Variants in EOGT observed in about 807,000 individuals in gnomAD.
EOGT encodes EGF domain specific O-linked N-acetylglucosamine transferase.
Under a neutral mutation model 70.5 loss-of-function variants are expected in EOGT, and 55 were observed. The observed-to-expected ratio is 0.78, with a 90% CI of 0.63 to 0.98. The LOEUF (loss-of-function observed/expected upper bound fraction) is 0.98. Ranked by LOEUF, EOGT falls within the 50% of genes least tolerant of loss-of-function variation. The pLI, the probability that EOGT is intolerant of heterozygous loss-of-function variation, is 0.00. For missense variants in EOGT, 703 were observed against 641.9 expected (o/e 1.10, Z -1.03); for synonymous variants, 246 against 217.1 (o/e 1.13, Z -1.17).
In EOGT at chr3:68,978,449, G is replaced by T; in HGVS notation, c.1335-14C>A. Reference sequence around the variant, plus strand: ...TCACAGTTGTACCTAAGGACACAAGGGTGTCACAACATGAGGCTTTTGTCC... The same window carrying T: ...TCACAGTTGTACCTAAGGACACAAGTGTGTCACAACATGAGGCTTTTGTCC... On this transcript the variant is annotated splice_polypyrimidine_tract_variant and intron_variant, in intron 16 of 17. Coordinates refer to ENST00000383701, the MANE Select transcript of EOGT (RefSeq NM_001278689.2). The T allele has an allele frequency of 1.3e-6, 2 of 1,557,266 alleles. No individual in the cohort carries two copies. Among genetic ancestry groups the T allele is most frequent in the Non-Finnish European group, 1.7e-6 (2 of 1,150,608 alleles).
chr3:68,977,787 G>T, intron 17 of EOGT, 23 bp from the exon 18 acceptor site: 1 of 1,601,870 alleles, frequency 6.2e-7, no homozygotes, highest in Non-Finnish European at 8.5e-7. Flanking sequence ...ACCAAAACAC[G>T]AATCCATAAC....
chr3:68,992,508 G>A (rs941040429), intron 10 of EOGT, among the ~76,000 whole-genome samples: 4 of 152,222 alleles, frequency 2.6e-5, no homozygotes, highest in Admixed American at 2.6e-4. Flanking sequence ...CTGCCCCTGT[G>A]GTTTTGCAGG....
Position 69,005,214 on chromosome 3 carries a change from A to G in EOGT, c.441T>C (p.Cys147=). The G allele has an allele frequency of 6.2e-7, 1 of 1,600,610 alleles. No individual in the cohort carries two copies. The highest frequency in any genetic ancestry group is 8.6e-7 in the Non-Finnish European group (1 of 1,168,952). Residue 147 remains cysteine, a synonymous_variant, in exon 7 of 18, where the codon TGT becomes TGC. Coordinates refer to ENST00000383701, the MANE Select transcript of EOGT (RefSeq NM_001278689.2). The stretch of plus-strand genomic sequence containing the variant: ...CTCTGCAGTACTGAAGATAACGGGA[A>G]CACACCAGACTTGAGTCACTCTGAA... The part of the protein sequence containing the change: ...PKETSDSSLV[C]SRYLQYCRAT...
At chr3:68,997,138 A>G (rs6769631) in intron 10 of EOGT, among the ~76,000 whole-genome samples, 3,861 of 152,304 alleles carry the variant, frequency 0.025, 176 homozygotes, top group African/African-American at 0.089. Flanking sequence ...GAAGGAAAAA[A>G]AGATTGCACT....
In EOGT at chr3:69,001,720, A is replaced by G. The variant is rs2091297944; in HGVS notation, c.621-6T>C. ...AGCTTTGTAGCTCAGCAAACCTGAAATTATGAATTGGGACATGACTTCAAA... is the reference window on the plus strand; with the variant it reads ...AGCTTTGTAGCTCAGCAAACCTGAAGTTATGAATTGGGACATGACTTCAAA... On this transcript the variant is annotated splice_region_variant and splice_polypyrimidine_tract_variant and intron_variant, in intron 8 of 17. Transcript: ENST00000383701. 1.3e-6 allele frequency: 2 copies of G among 1,585,114 alleles called. No individual in the cohort carries two copies. The highest frequency in any genetic ancestry group is 1.7e-6 in the Non-Finnish European group (2 of 1,155,896).
intron 5 of EOGT, 81 bp downstream of exon 5, chr3:69,008,347 A>ATAGTTGG: frequency 6.1e-6 from 6 of 982,722 alleles, no homozygotes; most frequent in Non-Finnish European, 9.5e-6. Flanking sequence ...AACCAAAAGA[A>ATAGTTGG]TCTAGCTGGA....
Position 68,977,628 on chromosome 3 carries a change from T to A in EOGT, c.1574A>T (p.Asp525Val). The change falls in exon 18 of 18, where the codon GAT (aspartate) becomes GTT (valine). Residue 525 changes from aspartate (D) to valine (V), a missense_variant. Transcript: ENST00000383701. ...ACAGACTCAGCATATTTATAGCTCATCATGTTTCTTCTTAAATGGCCACTT... is the reference window on the plus strand; with the variant it reads ...ACAGACTCAGCATATTTATAGCTCAACATGTTTCTTCTTAAATGGCCACTT... ...HPKWPFKKKH[D>V]EL 1 of 1,613,884 alleles carries A rather than the reference T, an allele frequency of 6.2e-7. No homozygotes were observed. Among genetic ancestry groups the A allele is most frequent in the Non-Finnish European group, 8.5e-7 (1 of 1,179,922 alleles).
chr3:68,982,047 C>T (rs922553089), intron 15 of EOGT, among the ~76,000 whole-genome samples: 1 of 152,086 alleles, frequency 6.6e-6, no homozygotes, highest in Non-Finnish European at 1.5e-5. Context: ...GCTAGGACTA[C>T]AGGCACACGC....
At position 69,005,184 on chromosome 3, in the gene EOGT, G is replaced by C; in HGVS notation, c.471C>G (p.Thr157=). 1 of 1,606,652 alleles carries C rather than the reference G, an allele frequency of 6.2e-7. No individual in the cohort carries two copies. Among genetic ancestry groups the C allele is most frequent in the Non-Finnish European group, 8.5e-7 (1 of 1,173,850 alleles). The part of the protein sequence containing the change: ...CSRYLQYCRA[T]NLYLDLRNIK... ...TGTTTCTTAAATCAAGATAGAGATT[G>C]GTTGCTCTGCAGTACTGAAGATAAC... Residue 157 remains threonine (T), a synonymous_variant, in exon 7 of 18, where the codon ACC becomes ACG. Transcript: ENST00000383701.
intron 9 of EOGT, among the ~76,000 whole-genome samples, chr3:68,998,900 C>A (rs1254046951): frequency 6.7e-6 from 1 of 149,538 alleles, no homozygotes; most frequent in Non-Finnish European, 1.5e-5. Context: ...CAGGGAAGTA[C>A]TGGCAATGAT....
At chr3:69,013,385 G>A (rs911449352) in intron 1 of EOGT, among the ~76,000 whole-genome samples, 189 bp downstream of exon 1, 1 of 151,946 alleles carries the variant, frequency 6.6e-6, no homozygotes, top group Non-Finnish European at 1.5e-5. Context: ...GGAGGGCCAG[G>A]ATCGGCTTCC....
rs1396982108 is a variant in EOGT, at chr3:68,977,213, C to T, written c.*405G>A. 5.9e-6 allele frequency: 1 copy of T among 169,828 alleles called. No individual in the cohort carries two copies. The highest frequency in any genetic ancestry group is 1.2e-5 in the Non-Finnish European group (1 of 81,062). 10.5% of individuals were successfully genotyped at this position (169,828 alleles called of 1,614,324 possible). On this transcript the variant is annotated 3_prime_UTR_variant, in exon 18 of 18. Coordinates refer to ENST00000383701, the MANE Select transcript of EOGT (RefSeq NM_001278689.2). Reference sequence around the variant, plus strand: ...GTGGTGGTGCAGGCTGCAATCCCAGCTAGTCAGGTGGCTGAGGCAAAAGAA... The same window carrying T: ...GTGGTGGTGCAGGCTGCAATCCCAGTTAGTCAGGTGGCTGAGGCAAAAGAA...
chr3:68,986,153 C>T (rs765119673), intron 14 of EOGT, among the ~76,000 whole-genome samples: 16 of 152,320 alleles, frequency 1.1e-4, no homozygotes, highest in Non-Finnish European at 1.9e-4. Flanking sequence ...CAAAAGTTCT[C>T]TAGCAGATGG....
Position 68,998,017 on chromosome 3 carries a change from C to G in EOGT, c.825G>C (p.Trp275Cys), listed in dbSNP as rs1379289279. 5.9e-6 allele frequency: 9 copies of G among 1,533,700 alleles called. No individual in the cohort carries two copies. The highest frequency in any genetic ancestry group is 8.0e-6 in the Non-Finnish European group (9 of 1,126,184). Reference protein sequence around the residue: ...SFSTDVYIVMWDTSSYGYGDL... With the variant: ...SFSTDVYIVMCDTSSYGYGDL... ...AGAGCACATTCTTACTTACGGTGTC[C>G]CACATCACGATGTACACGTCAGTAC... The change falls in exon 10 of 18, where the codon TGG (tryptophan) becomes TGC (cysteine). Residue 275 changes from tryptophan to cysteine, a missense_variant. Coordinates refer to ENST00000383701, the MANE Select transcript of EOGT (RefSeq NM_001278689.2).
rs371677485 is a variant in EOGT, at chr3:69,008,439, G to A, written c.300C>T (p.Val100=). The A allele has an allele frequency of 7.7e-5, 125 of 1,613,250 alleles. 2 individuals carry two copies. In the East Asian group the frequency reaches 1.2e-3, roughly 15 times the overall value. The change falls in exon 5 of 18, where the codon GTC becomes GTT. Residue 100 remains valine, a synonymous_variant. Coordinates refer to ENST00000383701, the MANE Select transcript of EOGT (RefSeq NM_001278689.2). ...ATATGGAAACTTACCATCCCATGTC[G>A]ACATAGCTGCAAACTGGGTAACCAA... The part of the protein sequence containing the change: ...FRFGYPVCSY[V]DMGWTDTLES...
At chr3:68,984,871 G>T (rs548710275) in intron 14 of EOGT, among the ~76,000 whole-genome samples, 1 of 152,216 alleles carries the variant, frequency 6.6e-6, no homozygotes, top group Non-Finnish European at 1.5e-5. Context: ...GGTAGCTTCT[G>T]CCTCCTCTGA....
At chr3:69,009,933 C>CAAAAAAAAA (rs60324569) in intron 3 of EOGT, 73 bp from the exon 4 acceptor site, 80 of 256,882 alleles carry the variant, frequency 3.1e-4, no homozygotes, top group South Asian at 6.6e-4. Context: ...ACAACAACAA[C>CAAAAAAAAA]AAAAAAAAAA....
chr3:68,986,029 A>T (rs566671734), intron 14 of EOGT, among the ~76,000 whole-genome samples: 25 of 152,308 alleles, frequency 1.6e-4, no homozygotes, highest in African/African-American at 5.8e-4. Flanking sequence ...GCAACATGGC[A>T]TCTCTCTGGC....
intron 8 of EOGT, among the ~76,000 whole-genome samples, chr3:69,002,206 G>C (rs555364274): frequency 1.3e-5 from 2 of 152,224 alleles, no homozygotes; most frequent in South Asian, 4.2e-4. Flanking sequence ...GATTCTCCAG[G>C]CCCAGGTTGA....
Sources: gnomAD v4.1 joint callset for allele counts (sites outside exome capture counted in the v4.1 genomes callset) on GRCh38, gnomAD v4.1.1 for gene constraint, MANE v1.5 for transcripts, NCBI Gene and HGNC (gene_info 2026-07-23, HGNC 2026-07-21) for gene names.